Variants in WSCD2 observed in about 807,000 individuals in gnomAD.
WSCD2 encodes WSC domain sialate O sulfotransferase 2.
In WSCD2, 28 loss-of-function variants were observed where a neutral mutation model predicts 55.7. That is an observed-to-expected ratio of 0.50 (90% confidence interval 0.37 to 0.69). The LOEUF is 0.69. Among genes scored for constraint, WSCD2 ranks in the 30% least tolerant of loss-of-function variants. The pLI is 0.00. For missense variants in WSCD2, 616 were observed against 762.1 expected (o/e 0.81, Z 2.26); for synonymous variants, 301 against 301.9 (o/e 1.00, Z 0.03).
intron 1 of WSCD2, among the ~76,000 whole-genome samples, chr12:108,145,079 G>A (rs1340872000): frequency 6.6e-6 from 1 of 152,174 alleles, no homozygotes; most frequent in Non-Finnish European, 1.5e-5. Context: ...CACTTACTAT[G>A]TCATCTCAGG....
chr12:108,230,196 T>A (rs1212634931), intron 6 of WSCD2, among the ~76,000 whole-genome samples: 3 of 152,198 alleles, frequency 2.0e-5, no homozygotes, highest in East Asian at 1.9e-4. Flanking sequence ...TATCAAAATA[T>A]AAAACATAAC....
intron 2 of WSCD2, among the ~76,000 whole-genome samples, chr12:108,205,701 T>C (rs1365175174): frequency 1.3e-5 from 2 of 152,218 alleles, no homozygotes; most frequent in Admixed American, 6.5e-5. Context: ...CAAGACACTA[T>C]GGTAGAAACT....
At chr12:108,161,731 C>G (rs1879086678) in intron 1 of WSCD2, among the ~76,000 whole-genome samples, 2 of 152,202 alleles carry the variant, frequency 1.3e-5, no homozygotes, top group South Asian at 4.1e-4. Context: ...CTGCATAGTT[C>G]TTGTTTTGTT....
intron 1 of WSCD2, among the ~76,000 whole-genome samples, chr12:108,181,346 C>T (rs1282952270): frequency 1.3e-5 from 2 of 152,106 alleles, no homozygotes; most frequent in African/African-American, 4.8e-5. Flanking sequence ...CAGCAAAGAC[C>T]TATTAATGTT....
At chr12:108,177,448 C>G (rs142909241) in intron 1 of WSCD2, among the ~76,000 whole-genome samples, 1,654 of 152,284 alleles carry the variant, frequency 0.011, 16 homozygotes, top group South Asian at 0.02. Context: ...AATCCTGGCT[C>G]TGCCTCCTAC....
chr12:108,179,630 T>A (rs941752447), intron 1 of WSCD2, among the ~76,000 whole-genome samples: 6 of 152,184 alleles, frequency 3.9e-5, no homozygotes, highest in Non-Finnish European at 7.3e-5. Context: ...GGCAATGAGC[T>A]AGCCATAGAG....
At chr12:108,160,051 T>C (rs1878910402) in intron 1 of WSCD2, among the ~76,000 whole-genome samples, 1 of 152,178 alleles carries the variant, frequency 6.6e-6, no homozygotes, top group Non-Finnish European at 1.5e-5. Context: ...TACAGCTTCA[T>C]AGTTAATTTA....
At chr12:108,185,772 C>G (rs1882402349) in intron 1 of WSCD2, among the ~76,000 whole-genome samples, 1 of 152,126 alleles carries the variant, frequency 6.6e-6, no homozygotes, top group African/African-American at 2.4e-5. Context: ...GGTAAACACT[C>G]TGCCCAGAAC....
intron 3 of WSCD2, 61 bp downstream of exon 3, chr12:108,206,464 G>C (rs1885386013): frequency 6.5e-7 from 1 of 1,528,206 alleles, no homozygotes. Context: ...ATTCCCACCT[G>C]TGGTATTCTT....
intron 2 of WSCD2, chr12:108,197,080 G>A (rs1450639768): frequency 1.3e-5 from 2 of 152,104 alleles, no homozygotes; most frequent in Admixed American, 6.5e-5. Context: ...AGCATGCTAG[G>A]GAGGAACCCA....
At chr12:108,244,715 C>G in intron 8 of WSCD2, 1 of 670,752 alleles carries the variant, frequency 1.5e-6, no homozygotes, top group Non-Finnish European at 2.7e-6. Context: ...GCAGAATCAT[C>G]TATAAACAGA....
chr12:108,228,747 G>C (rs1323506723), intron 6 of WSCD2, among the ~76,000 whole-genome samples: 2 of 152,212 alleles, frequency 1.3e-5, no homozygotes, highest in Non-Finnish European at 2.9e-5. Flanking sequence ...CCCACCAATA[G>C]CCTGTCCCTG....
At chr12:108,185,692 T>C (rs183914538) in intron 1 of WSCD2, among the ~76,000 whole-genome samples, 3 of 152,296 alleles carry the variant, frequency 2.0e-5, no homozygotes, top group East Asian at 3.9e-4. Context: ...CATCCTATCC[T>C]AGTCCATCCT....
intron 1 of WSCD2, among the ~76,000 whole-genome samples, chr12:108,155,984 C>A (rs1039424737): frequency 6.6e-6 from 1 of 152,160 alleles, no homozygotes; most frequent in African/African-American, 2.4e-5. Flanking sequence ...GCTGTGCCCC[C>A]CACACACATA....
At position 108,217,161 on chromosome 12, in the gene WSCD2, C is replaced by A. The variant is rs75570040; in HGVS notation, c.682+6856C>A. ...ACTGAGGCTCAGCAAAGTGAAGACACCTGCCCAATGGCACACAGCTAAGTA... is the reference window on the plus strand; with the variant it reads ...ACTGAGGCTCAGCAAAGTGAAGACAACTGCCCAATGGCACACAGCTAAGTA... On this transcript the variant is annotated intron_variant, in intron 4 of 8. Transcript: ENST00000547525. 3.8e-3 allele frequency among the ~76,000 whole-genome samples: 577 copies of A among 152,346 alleles called. 3 individuals carry two copies. The highest frequency in any genetic ancestry group is 0.013 in the African/African-American group (549 of 41,582).
chr12:108,161,409 A>T (rs1287537975), intron 1 of WSCD2, among the ~76,000 whole-genome samples: 1 of 152,202 alleles, frequency 6.6e-6, no homozygotes, highest in African/African-American at 2.4e-5. Context: ...GTTCTTAGAA[A>T]AAGGGAAAAT....
At chr12:108,230,462 CA>C (rs1461874613) in intron 6 of WSCD2, among the ~76,000 whole-genome samples, 1 of 152,180 alleles carries the variant, frequency 6.6e-6, no homozygotes, top group East Asian at 1.9e-4. Flanking sequence ...TGCATTCATT[CA>C]AGAATTTCAT....
At chr12:108,175,780 C>T (rs1368934833) in intron 1 of WSCD2, among the ~76,000 whole-genome samples, 1 of 152,246 alleles carries the variant, frequency 6.6e-6, no homozygotes, top group African/African-American at 2.4e-5. Context: ...TTCAGGGAAG[C>T]AGCCAGCATA....
At chr12:108,241,064 A>T (rs993786300) in intron 8 of WSCD2, among the ~76,000 whole-genome samples, 2 of 152,210 alleles carry the variant, frequency 1.3e-5, no homozygotes. Context: ...GCCCCAGGTC[A>T]GTGCCTGTGT....
Sources: allele counts gnomAD v4.1 joint callset (sites outside exome capture counted in the v4.1 genomes callset), GRCh38; gene constraint gnomAD v4.1.1; transcripts MANE v1.5; gene names NCBI Gene and HGNC (gene_info 2026-07-23, HGNC 2026-07-21).